Variants in PIGP observed in about 807,000 individuals in gnomAD.
The protein encoded by PIGP is phosphatidylinositol N-acetylglucosaminyltransferase subunit P.
Under a neutral mutation model 16.9 loss-of-function variants are expected in PIGP, and 12 were observed. The observed-to-expected ratio is 0.71, with a 90% confidence interval of 0.46 to 1.15. The LOEUF (loss-of-function observed/expected upper bound fraction) is 1.15. Among genes scored for constraint, PIGP ranks in the 50% most tolerant of loss-of-function variants. The pLI, the probability that PIGP is intolerant of heterozygous loss-of-function variation, is 0.00. For synonymous variants in PIGP, 57 were observed against 54.7 expected, an observed-to-expected ratio of 1.04 and a Z score of -0.18; for missense variants, 159 against 153.5, an observed-to-expected ratio of 1.04 and a Z score of -0.19.
At chr21:37,072,356 A>G in intron 2 of PIGP, 78 bp downstream of exon 2, 1 of 1,601,876 alleles carries the variant, frequency 6.2e-7, no homozygotes, top group Non-Finnish European at 8.5e-7. Flanking sequence ...TCATGTGTGC[A>G]CAGTCTAACC....
Position 37,072,471 on chromosome 21 carries a change from A to C in PIGP, c.45T>G (p.Tyr15Ter), listed in dbSNP as rs763470512. 6.2e-6 allele frequency: 10 copies of C among 1,614,276 alleles called. No individual in the cohort carries two copies. The South Asian group carries it at 1.1e-4, about 18-fold the overall frequency. ...SPSPLPERAIYGFVLFLSSQF... is the reference protein window; with the variant it reads ...SPSPLPERAI ...GGGAGCTTAAGAAAAGAACAAAGCC[A>C]TAAATCGCTCTTTCTGGCAATGGCG... Residue 15 changes from tyrosine (Y) to a stop codon, truncating the protein, a stop_gained, in exon 2 of 5, where the codon TAT becomes TAG. Coordinates refer to ENST00000360525, the MANE Select transcript of PIGP (RefSeq NM_153682.3). LOFTEE classifies it high-confidence loss of function.
At position 37,069,641 on chromosome 21, in the gene PIGP, GA is replaced by G; in HGVS notation, c.83-18del. 1.1e-5 allele frequency: 17 copies of G among 1,503,928 alleles called. No individual in the cohort carries two copies. Among genetic ancestry groups the G allele is most frequent in the Admixed American group, 4.1e-5 (2 of 48,870 alleles). 93.2% of individuals were successfully genotyped at this position (1,503,928 alleles called of 1,614,324 possible). On this transcript the variant is annotated intron_variant, in intron 2 of 4. Coordinates refer to ENST00000360525, the MANE Select transcript of PIGP (RefSeq NM_153682.3). ...GGTAAAGTACTGTAGAAAAGAAAAA[GA>G]AAAAAAAGAGGAAGAGAAGTCAGTA...
At chr21:37,071,907 C>T (rs1468436586) in intron 2 of PIGP, among the ~76,000 whole-genome samples, 1 of 152,200 alleles carries the variant, frequency 6.6e-6, no homozygotes, top group Non-Finnish European at 1.5e-5. Flanking sequence ...GCCTACTTCT[C>T]CTGTTCCCCA....
intron 2 of PIGP, among the ~76,000 whole-genome samples, chr21:37,071,971 C>T (rs1601131552): frequency 6.6e-6 from 1 of 152,222 alleles, no homozygotes; most frequent in African/African-American, 2.4e-5. Flanking sequence ...CAAACCCTCT[C>T]ACGCCCTCAT....
intron 2 of PIGP, among the ~76,000 whole-genome samples, chr21:37,070,972 G>T (rs780688211): frequency 6.6e-6 from 1 of 152,178 alleles, no homozygotes; most frequent in African/African-American, 2.4e-5. Context: ...TGTTGGTCTG[G>T]CTGGTCTCAA....
intron 3 of PIGP, among the ~76,000 whole-genome samples, chr21:37,068,144 C>G (rs2069938396): frequency 6.6e-6 from 1 of 151,612 alleles, no homozygotes; most frequent in Admixed American, 6.6e-5. Flanking sequence ...TAGGCACACA[C>G]CACCACACCT....
chr21:37,071,341 A>C (rs948623300), intron 2 of PIGP, among the ~76,000 whole-genome samples: 8 of 152,250 alleles, frequency 5.3e-5, no homozygotes, highest in African/African-American at 1.9e-4. Flanking sequence ...TGAGCAAGTT[A>C]CTGAAACCAC....
At chr21:37,066,998 GTGTGTGTGTGTGTGTGTT>G (rs1057307782) in intron 4 of PIGP, among the ~76,000 whole-genome samples, 1 of 127,886 alleles carries the variant, frequency 7.8e-6, no homozygotes, top group African/African-American at 3.2e-5. Context: ...GTGTGTGTGT[GTGTGTGTGTGTGTGTGTT>G]TTCTTTTAGG....
chr21:37,066,561 T>C (rs560403898), intron 4 of PIGP, among the ~76,000 whole-genome samples: 4 of 152,344 alleles, frequency 2.6e-5, no homozygotes, highest in African/African-American at 7.2e-5. Flanking sequence ...TTTTCATCTT[T>C]AGACTTGAAA....
chr21:37,067,862 C>CT (rs942899682), intron 3 of PIGP, among the ~76,000 whole-genome samples: 133 of 149,688 alleles, frequency 8.9e-4, no homozygotes, highest in African/African-American at 2.8e-3. Context: ...TCTTGTACAA[C>CT]TTTTTTTTTT....
At chr21:37,068,661 A>G (rs1041590668) in intron 3 of PIGP, among the ~76,000 whole-genome samples, 1 of 152,190 alleles carries the variant, frequency 6.6e-6, no homozygotes, top group Non-Finnish European at 1.5e-5. Flanking sequence ...GTATGTGGGC[A>G]GGGATGGTCA....
At chr21:37,066,921 C>A (rs1198002571) in intron 4 of PIGP, among the ~76,000 whole-genome samples, 3 of 149,746 alleles carry the variant, frequency 2.0e-5, no homozygotes, top group South Asian at 2.1e-4. Flanking sequence ...CAAATATTTC[C>A]TTTTATATAA....
intron 2 of PIGP, 36 bp downstream of exon 2, chr21:37,072,398 A>T: frequency 6.2e-7 from 1 of 1,612,808 alleles, no homozygotes; most frequent in Non-Finnish European, 8.5e-7. Context: ...TGAACGCCAG[A>T]AAAAGCCCCT....
At chr21:37,067,483 AAAGT>A (rs1358378557) in intron 3 of PIGP, 103 bp from the exon 4 acceptor site, 1 of 701,584 alleles carries the variant, frequency 1.4e-6, no homozygotes, top group Non-Finnish European at 2.5e-6. Context: ...TAAATTTTAT[AAAGT>A]AATATGTGTA....
At chr21:37,069,661 G>A (rs1399356379) in intron 2 of PIGP, 37 bp from the exon 3 acceptor site, 2 of 1,361,604 alleles carry the variant, frequency 1.5e-6, no homozygotes, top group Non-Finnish European at 2.0e-6. Context: ...AGGAAGAGAA[G>A]TCAGTAAGAC....
Position 37,072,509 on chromosome 21 carries a change from C to T in PIGP, c.7G>A (p.Glu3Lys), listed in dbSNP as rs756393959. MV[E>K]NSPSPLPERA... The stretch of plus-strand genomic sequence containing the variant: ...TCTGGCAATGGCGACGGTGAATTTT[C>T]CACCATTTTTCCTGGGGCTTTAGAC... The change falls in exon 2 of 5, where the codon GAA becomes AAA. Residue 3 changes from glutamate to lysine, a missense_variant. Coordinates refer to ENST00000360525, the MANE Select transcript of PIGP (RefSeq NM_153682.3). 1.2e-6 allele frequency: 2 copies of T among 1,614,188 alleles called. No homozygotes were observed. Among genetic ancestry groups the T allele is most frequent in the Admixed American group, 3.3e-5 (2 of 60,026 alleles).
chr21:37,068,443 T>C (rs183050083), intron 3 of PIGP, among the ~76,000 whole-genome samples: 1 of 152,178 alleles, frequency 6.6e-6, no homozygotes, highest in Non-Finnish European at 1.5e-5. Flanking sequence ...TCTTGTTTCA[T>C]AGTTATAATT....
chr21:37,067,217 T>C (rs1258738426), intron 4 of PIGP, 45 bp downstream of exon 4: 1 of 1,099,972 alleles, frequency 9.1e-7, no homozygotes, highest in South Asian at 1.3e-5. Context: ...GTGCTAATAC[T>C]CCACTCTTTC....
In PIGP at chr21:37,065,593, T is replaced by C. The variant is rs1201623122; in HGVS notation, c.394A>G (p.Thr132Ala). Residue 132 changes from threonine (T) to alanine (A), a missense_variant, in exon 5 of 5, where the codon ACC becomes GCC. Transcript: ENST00000360525. ...MFFLAAKELY[T>A]KN is the part of the protein sequence containing the mutation. ...TGGTTACACACAGTTCAGTTTTTGG[T>C]GTAAAGTTCTTTGGCTGCAAGAAAG... The C allele has an allele frequency of 6.2e-7, 1 of 1,613,034 alleles. No homozygotes were observed. Among genetic ancestry groups the C allele is most frequent in the African/African-American group, 1.3e-5 (1 of 75,018 alleles).
Sources: allele counts gnomAD v4.1 joint callset (sites outside exome capture counted in the v4.1 genomes callset), GRCh38; gene constraint gnomAD v4.1.1; transcripts MANE v1.5; gene names NCBI Gene and HGNC (gene_info 2026-07-23, HGNC 2026-07-21).